MND1: variants seen among roughly 807,000 people sequenced by gnomAD.
MND1 encodes the protein meiotic nuclear divisions 1.
MND1 carries 28 observed loss-of-function variants against 35.1 expected under a neutral mutation model. The ratio of observed to expected loss-of-function variants is 0.80; its 90% CI spans 0.59 to 1.09. The LOEUF (loss-of-function observed/expected upper bound fraction) is 1.09. Ranked by LOEUF, MND1 falls within the 50% of genes least tolerant of loss-of-function variation. MND1 has a pLI of 0.00. For synonymous variants in MND1, 69 were observed against 70.5 expected, an observed-to-expected ratio of 0.98 and a Z score of 0.11; for missense variants, 213 against 239.6, an observed-to-expected ratio of 0.89 and a Z score of 0.73.
chr4:153,378,191 C>G (rs1458301492), intron 4 of MND1, among the ~76,000 whole-genome samples: 1 of 152,044 alleles, frequency 6.6e-6, no homozygotes, highest in Non-Finnish European at 1.5e-5. Context: ...ACTCCCTGGC[C>G]CATACCTTTT....
At chr4:153,391,016 T>C (rs188112100) in intron 4 of MND1, among the ~76,000 whole-genome samples, 1 of 152,164 alleles carries the variant, frequency 6.6e-6, no homozygotes, top group East Asian at 1.9e-4. Context: ...TGTCTGGTTA[T>C]TTTAAAAACA....
At chr4:153,350,004 T>C in intron 1 of MND1, 60 bp from the exon 2 acceptor site, 1 of 1,195,018 alleles carries the variant, frequency 8.4e-7, no homozygotes, top group Admixed American at 2.1e-5. Context: ...ATGTTGCAAA[T>C]CCAGTTGTTT....
At chr4:153,364,113 G>A (rs572372543) in intron 4 of MND1, among the ~76,000 whole-genome samples, 1 of 152,096 alleles carries the variant, frequency 6.6e-6, no homozygotes, top group Admixed American at 6.5e-5. Flanking sequence ...ATAAGTGTTA[G>A]CAAGGATTTG....
At chr4:153,405,557 T>C (rs1554013497) in intron 6 of MND1, among the ~76,000 whole-genome samples, 2 of 149,612 alleles carry the variant, frequency 1.3e-5, no homozygotes, top group African/African-American at 4.9e-5. Flanking sequence ...AAAAAAAGAA[T>C]AGACATATAG....
At chr4:153,405,335 C>T (rs913150315) in intron 6 of MND1, among the ~76,000 whole-genome samples, 1 of 151,898 alleles carries the variant, frequency 6.6e-6, no homozygotes, top group African/African-American at 2.4e-5. Context: ...GTCAGGAGAT[C>T]GAGACCATCC....
At chr4:153,344,997 C>A (rs911824491) in intron 1 of MND1, among the ~76,000 whole-genome samples, 8 of 152,340 alleles carry the variant, frequency 5.3e-5, no homozygotes, top group African/African-American at 1.9e-4. Context: ...GCCGGCTGCA[C>A]CCCGCGTCTG....
intron 7 of MND1, among the ~76,000 whole-genome samples, chr4:153,410,405 A>G (rs1347938869): frequency 2.0e-5 from 3 of 152,160 alleles, no homozygotes; most frequent in African/African-American, 7.2e-5. Flanking sequence ...ATTTAAAGTT[A>G]CAACTTACTC....
chr4:153,363,137 C>A, intron 4 of MND1: 5 of 331,154 alleles, frequency 1.5e-5, no homozygotes, highest in Non-Finnish European at 2.2e-5. Context: ...TCCTGGTGTG[C>A]ATGTTAGACT....
chr4:153,414,685 A>G, intron 7 of MND1, 66 bp from the exon 8 acceptor site: 1 of 642,398 alleles, frequency 1.6e-6, no homozygotes, highest in Non-Finnish European at 2.6e-6. Flanking sequence ...AACAATGAAG[A>G]TAATTATACT....
At chr4:153,399,889 GATT>G (rs1561077473) in intron 6 of MND1, among the ~76,000 whole-genome samples, 7 of 123,746 alleles carry the variant, frequency 5.7e-5, no homozygotes, top group Admixed American at 2.0e-4. Flanking sequence ...TTTTCAGTGA[GATT>G]TTTTTTTTTT....
At chr4:153,380,418 T>C (rs1728644431) in intron 4 of MND1, among the ~76,000 whole-genome samples, 1 of 152,224 alleles carries the variant, frequency 6.6e-6, no homozygotes, top group Non-Finnish European at 1.5e-5. Context: ...TTCTTGGACA[T>C]CTCTCTTTAT....
intron 4 of MND1, among the ~76,000 whole-genome samples, chr4:153,390,030 C>T (rs1453044865): frequency 7.0e-6 from 1 of 143,598 alleles, no homozygotes. Context: ...AGCCCTTTGG[C>T]TTTTTTTTTT....
chr4:153,382,643 A>G (rs1398816147), intron 4 of MND1, among the ~76,000 whole-genome samples: 1 of 152,376 alleles, frequency 6.6e-6, no homozygotes, highest in Non-Finnish European at 1.5e-5. Flanking sequence ...ATCTAAATAG[A>G]AATTTAAATC....
At chr4:153,403,388 C>A (rs143704118) in intron 6 of MND1, among the ~76,000 whole-genome samples, 1 of 152,212 alleles carries the variant, frequency 6.6e-6, no homozygotes, top group Non-Finnish European at 1.5e-5. Context: ...ACGGCTGAGC[C>A]CTTTGGAAAA....
At chr4:153,384,133 T>C (rs1728782992) in intron 4 of MND1, among the ~76,000 whole-genome samples, 1 of 152,196 alleles carries the variant, frequency 6.6e-6, no homozygotes. Context: ...ACTGTTAGGC[T>C]TCTGTTGGAT....
rs536056523 is a variant in MND1, at chr4:153,378,215, T to G, written c.277-16047T>G. ...CCCATACCTTTTCTTTGACTCCCAG[T>G]CTACACATACAGCAGAAAAGGTGGT... is the stretch of plus-strand genomic sequence containing the variant. On this transcript the variant is annotated intron_variant, in intron 4 of 7. Coordinates refer to ENST00000240488, the MANE Select transcript of MND1 (RefSeq NM_032117.4). 7.2e-5 allele frequency among the ~76,000 whole-genome samples: 11 copies of G among 152,310 alleles called. No homozygotes were observed. The East Asian group carries it at 2.1e-3, about 29-fold the overall frequency.
intron 6 of MND1, among the ~76,000 whole-genome samples, chr4:153,399,745 C>G (rs780581506): frequency 6.6e-5 from 10 of 152,116 alleles, no homozygotes; most frequent in Admixed American, 2.6e-4. Context: ...ATTCTGCTGT[C>G]TATCTTAACC....
At chr4:153,402,747 A>G (rs1186015989) in intron 6 of MND1, among the ~76,000 whole-genome samples, 2 of 152,214 alleles carry the variant, frequency 1.3e-5, no homozygotes. Context: ...GCCCAATGCT[A>G]AAATCCTCTC....
chr4:153,389,820 A>T (rs923030157), intron 4 of MND1, among the ~76,000 whole-genome samples: 1 of 152,206 alleles, frequency 6.6e-6, no homozygotes, highest in Non-Finnish European at 1.5e-5. Flanking sequence ...TTTTCTGTAT[A>T]TAAATATCCT....
Sources: gnomAD v4.1 joint callset for allele counts (sites outside exome capture counted in the v4.1 genomes callset) on GRCh38, gnomAD v4.1.1 for gene constraint, MANE v1.5 for transcripts, NCBI Gene and HGNC (gene_info 2026-07-23, HGNC 2026-07-21) for gene names.